Variants in NPFFR2 observed in about 807,000 individuals in gnomAD.
NPFFR2 encodes the protein G-protein coupled receptor 74.
A neutral mutation model predicts 13.1 loss-of-function variants in NPFFR2; 15 were observed. The ratio of observed to expected loss-of-function variants is 1.15; its 90% CI spans 0.77 to 1.76. NPFFR2 has a LOEUF of 1.76. Among genes scored for constraint, NPFFR2 ranks in the 40% most tolerant of loss-of-function variants. NPFFR2 has a pLI of 0.00. For missense variants in NPFFR2, 572 were observed against 503.5 expected (o/e 1.14, Z -1.30); for synonymous variants, 190 against 175.7 (o/e 1.08, Z -0.65).
At position 72,073,705 on chromosome 4, in the gene NPFFR2, G is replaced by A. The variant is rs10001563; in HGVS notation, c.-8+41505G>A. Among the ~76,000 whole-genome samples, 1,219 of 152,038 alleles carry A rather than the reference G, an allele frequency of 8.0e-3. 8 individuals carry two copies. The highest frequency in any genetic ancestry group is 0.017 in the African/African-American group (706 of 41,516). ...GTTTATGTTTCTTAAAACACAATGT[G>A]TAAAGATATAATTTTATAACATCGA... is the stretch of plus-strand genomic sequence containing the variant. On this transcript the variant is annotated intron_variant, in intron 1 of 3. Transcript: ENST00000308744.
At chr4:72,139,468 T>C (rs188435929) in intron 3 of NPFFR2, among the ~76,000 whole-genome samples, 1 of 152,342 alleles carries the variant, frequency 6.6e-6, no homozygotes, top group East Asian at 1.9e-4. Flanking sequence ...GTTTCAGCTT[T>C]CCACATATGG....
intron 1 of NPFFR2, among the ~76,000 whole-genome samples, chr4:72,050,964 A>G: frequency 6.6e-6 from 1 of 151,930 alleles, no homozygotes; most frequent in South Asian, 2.1e-4. Context: ...ATGGCTGCAT[A>G]GTATTCCATG....
intron 1 of NPFFR2, among the ~76,000 whole-genome samples, chr4:72,036,396 T>C (rs10032862): frequency 0.34 from 51,630 of 151,630 alleles, 9,231 homozygotes; most frequent in East Asian, 0.67. Flanking sequence ...ATTACAGTCC[T>C]CATGAAGATT....
Position 72,147,011 on chromosome 4 carries a change from G to C in NPFFR2, c.462G>C (p.Lys154Asn). 6.2e-7 allele frequency: 1 copy of C among 1,613,904 alleles called. No individual in the cohort carries two copies. Among genetic ancestry groups the C allele is most frequent in the South Asian group, 1.1e-5 (1 of 91,046 alleles). ...FQCVVYPFKP[K>N]LTIKTAFVII... ...GTGTGGTCTACCCTTTTAAACCAAA[G>C]CTCACTATCAAGACAGCGTTTGTCA... The change falls in exon 4 of 4, where the codon AAG (lysine) becomes AAC (asparagine). Residue 154 changes from lysine to asparagine, a missense_variant. Physicochemically the swap from Lys to Asn is moderately conservative, Grantham distance 94 (BLOSUM62 0). Transcript: ENST00000308744.
rs867516206 is a variant in NPFFR2, at chr4:72,114,935, C to T, written c.-7-13650C>T. Among the ~76,000 whole-genome samples the T allele has an allele frequency of 2.6e-5, 4 of 152,170 alleles. No homozygotes were observed. In the South Asian group the frequency reaches 8.3e-4, roughly 32 times the overall value. ...CTTGCTTTTTCCCCAGTTTCTTCAC[C>T]TAAAAATGGGAACAGTGATAATCAT... On this transcript the variant is annotated intron_variant, in intron 1 of 3. Coordinates refer to ENST00000308744, the MANE Select transcript of NPFFR2 (RefSeq NM_004885.3).
At chr4:72,070,887 T>A (rs1224820232) in intron 1 of NPFFR2, among the ~76,000 whole-genome samples, 2 of 152,142 alleles carry the variant, frequency 1.3e-5, no homozygotes, top group Non-Finnish European at 2.9e-5. Context: ...TTTTATAATA[T>A]CCATTCCCAT....
At chr4:72,049,130 A>C (rs894476982) in intron 1 of NPFFR2, among the ~76,000 whole-genome samples, 1 of 152,148 alleles carries the variant, frequency 6.6e-6, no homozygotes, top group Admixed American at 6.6e-5. Flanking sequence ...TTTATCTGAA[A>C]GTGAATAATA....
intron 1 of NPFFR2, among the ~76,000 whole-genome samples, chr4:72,105,281 A>G (rs919480169): frequency 6.6e-6 from 1 of 151,950 alleles, no homozygotes; most frequent in African/African-American, 2.4e-5. Context: ...GAATATTTAT[A>G]TGGTGCCAGA....
At chr4:72,136,206 T>A (rs1158282710) in intron 2 of NPFFR2, among the ~76,000 whole-genome samples, 8 of 152,114 alleles carry the variant, frequency 5.3e-5, no homozygotes, top group South Asian at 2.1e-4. Context: ...AAATTTTTTT[T>A]AAAATAACTG....
At chr4:72,034,920 A>G (rs1719007284) in intron 1 of NPFFR2, among the ~76,000 whole-genome samples, 1 of 152,236 alleles carries the variant, frequency 6.6e-6, no homozygotes, top group Non-Finnish European at 1.5e-5. Context: ...TTTCAAATAC[A>G]AGACTTCTAA....
chr4:72,070,489 A>G (rs1261460978), intron 1 of NPFFR2, among the ~76,000 whole-genome samples: 1 of 150,566 alleles, frequency 6.6e-6, no homozygotes, highest in African/African-American at 2.5e-5. Flanking sequence ...TACGGGTGGC[A>G]TCAGTCCAAA....
chr4:72,116,163 T>C (rs749883953), intron 1 of NPFFR2, among the ~76,000 whole-genome samples: 1 of 152,192 alleles, frequency 6.6e-6, no homozygotes, highest in African/African-American at 2.4e-5. Flanking sequence ...TTAATGTTTG[T>C]ACTAAAGAAA....
intron 1 of NPFFR2, among the ~76,000 whole-genome samples, chr4:72,093,577 G>C (rs1217423166): frequency 6.6e-6 from 1 of 151,910 alleles, no homozygotes; most frequent in Non-Finnish European, 1.5e-5. Context: ...TCAAAAGCCT[G>C]GTGTTTGAGC....
intron 2 of NPFFR2, among the ~76,000 whole-genome samples, chr4:72,131,595 A>G (rs1173025715): frequency 1.3e-5 from 2 of 152,172 alleles, no homozygotes; most frequent in African/African-American, 4.8e-5. Flanking sequence ...TTAAAGTGTA[A>G]TAAAAAAAAA....
intron 1 of NPFFR2, among the ~76,000 whole-genome samples, chr4:72,094,621 AG>A (rs1242859258): frequency 6.6e-6 from 1 of 152,278 alleles, no homozygotes; most frequent in Middle Eastern, 3.4e-3. Context: ...CGGCAACCTC[AG>A]GCCTCACCCA....
At chr4:72,139,538 C>A (rs1055340003) in intron 3 of NPFFR2, among the ~76,000 whole-genome samples, 2 of 152,012 alleles carry the variant, frequency 1.3e-5, no homozygotes, top group African/African-American at 4.8e-5. Context: ...TGCTTGTTTT[C>A]GTCAGGTTTG....
At chr4:72,075,035 G>A (rs1365932806) in intron 1 of NPFFR2, among the ~76,000 whole-genome samples, 6 of 152,072 alleles carry the variant, frequency 3.9e-5, no homozygotes, top group East Asian at 1.9e-4. Context: ...TGACGAATAC[G>A]AAGTATTGAT....
At chr4:72,114,035 A>G (rs1275335260) in intron 1 of NPFFR2, among the ~76,000 whole-genome samples, 3 of 152,106 alleles carry the variant, frequency 2.0e-5, no homozygotes, top group Non-Finnish European at 2.9e-5. Context: ...TTCTAGAAAT[A>G]TGAATAGACT....
chr4:72,055,377 C>T (rs1299087005), intron 1 of NPFFR2, among the ~76,000 whole-genome samples: 1 of 151,956 alleles, frequency 6.6e-6, no homozygotes, highest in African/African-American at 2.4e-5. Flanking sequence ...TGGGGTACCA[C>T]AAACTGTGAC....
Sources: allele counts gnomAD v4.1 joint callset (sites outside exome capture counted in the v4.1 genomes callset), GRCh38; gene constraint gnomAD v4.1.1; transcripts MANE v1.5; gene names NCBI Gene and HGNC (gene_info 2026-07-23, HGNC 2026-07-21).